KIAA1328: variants seen among roughly 807,000 people sequenced by gnomAD.
The protein encoded by KIAA1328 is protein hinderin.
In KIAA1328, 52 loss-of-function variants were observed where a neutral mutation model predicts 68.1. The ratio of observed to expected loss-of-function variants is 0.76; its 90% CI spans 0.61 to 0.96. The LOEUF is 0.96. Ranked by LOEUF, KIAA1328 falls within the 40% of genes least tolerant of loss-of-function variation. The pLI is 0.00. For synonymous variants in KIAA1328, 232 were observed against 239.4 expected (o/e 0.97, Z 0.28); for missense variants, 641 against 677.6 (o/e 0.95, Z 0.60).
intron 7 of KIAA1328, among the ~76,000 whole-genome samples, chr18:37,154,938 A>C (rs564323685): frequency 1.1e-4 from 17 of 152,180 alleles, no homozygotes; most frequent in Admixed American, 9.8e-4. Flanking sequence ...ACATTAATAT[A>C]TTTATTTCCC....
chr18:37,067,109 A>G lies in KIAA1328; in HGVS notation c.796A>G (p.Thr266Ala), dbSNP rs746504413. Residue 266 changes from threonine (T) to alanine (A), a missense_variant, in exon 7 of 10, where the codon ACC becomes GCC. Transcript: ENST00000280020. Reference protein sequence around the residue: ...KDDLDKIPSETTTCNCESPGR... With the variant: ...KDDLDKIPSEATTCNCESPGR... ...TGATCTAGATAAGATACCATCAGAG[A>G]CCACAACATGTAATTGTGAATCTCC... is the stretch of plus-strand genomic sequence containing the variant. 5.6e-6 allele frequency: 9 copies of G among 1,614,036 alleles called. No homozygotes were observed. The East Asian group carries it at 2.0e-4, about 36-fold the overall frequency.
rs141380279 is a variant in KIAA1328 at position 37,191,229 on chromosome 18, A to G, written c.1523+18148A>G. On this transcript the variant is annotated intron_variant, in intron 9 of 9. Transcript: ENST00000280020. ...CAATAAATCAGGTCTAGTTTCTTGC[A>G]CTATTTCTTCTTTTTTTAAATTTAA... Among the ~76,000 whole-genome samples the G allele has an allele frequency of 8.5e-4, 130 of 152,298 alleles. 1 individual carries two copies. In the East Asian group the frequency reaches 0.02, roughly 24 times the overall value.
rs138111187 is a variant in KIAA1328 at position 37,074,236 on chromosome 18, C to A, written c.1232+6691C>A. Among the ~76,000 whole-genome samples, 33 of 152,282 alleles carry A rather than the reference C, an allele frequency of 2.2e-4. No individual in the cohort carries two copies. In the East Asian group the frequency reaches 5.4e-3, roughly 25 times the overall value. On this transcript the variant is annotated intron_variant, in intron 7 of 9. Coordinates refer to ENST00000280020, the MANE Select transcript of KIAA1328 (RefSeq NM_020776.3). ...CTATGACTTTGGAGTTTCTAGGTTG[C>A]CAGCTTCTCCCACATTCAAGGTTTC...
At chr18:37,076,382 G>A (rs1211020713) in intron 7 of KIAA1328, among the ~76,000 whole-genome samples, 1 of 151,954 alleles carries the variant, frequency 6.6e-6, no homozygotes, top group South Asian at 2.1e-4. Flanking sequence ...GAGAAAACAG[G>A]AAAGATCCAA....
chr18:36,903,535 A>C (rs777330031), intron 5 of KIAA1328: 2 of 152,080 alleles, frequency 1.3e-5, no homozygotes, highest in Non-Finnish European at 2.9e-5. Flanking sequence ...ATTTCCATGG[A>C]GTTCATTTAG....
chr18:37,098,307 C>T (rs2057478955), intron 7 of KIAA1328, among the ~76,000 whole-genome samples: 1 of 152,108 alleles, frequency 6.6e-6, no homozygotes, highest in African/African-American at 2.4e-5. Context: ...TTGTCAAAGG[C>T]CTTTTCGGCA....
At chr18:36,840,710 G>A (rs1340436568) in intron 3 of KIAA1328, among the ~76,000 whole-genome samples, 12 of 151,908 alleles carry the variant, frequency 7.9e-5, no homozygotes, top group Admixed American at 7.9e-4. Flanking sequence ...CTCGGCCTCC[G>A]AAAGTGCTGG....
chr18:36,858,174 G>T (rs2047442098), intron 4 of KIAA1328, among the ~76,000 whole-genome samples: 1 of 151,852 alleles, frequency 6.6e-6, no homozygotes. Context: ...CACTTACATT[G>T]AACTTGTGAT....
At chr18:36,871,183 A>G (rs1323934528) in intron 4 of KIAA1328, among the ~76,000 whole-genome samples, 1 of 152,216 alleles carries the variant, frequency 6.6e-6, no homozygotes, top group Non-Finnish European at 1.5e-5. Flanking sequence ...TGGATAACTT[A>G]CATCAACATT....
chr18:37,146,583 T>A (rs1196397342), intron 7 of KIAA1328, among the ~76,000 whole-genome samples: 1 of 152,230 alleles, frequency 6.6e-6, no homozygotes, highest in Non-Finnish European at 1.5e-5. Context: ...TTTATATTCC[T>A]CTGGGTGTAT....
intron 7 of KIAA1328, among the ~76,000 whole-genome samples, chr18:37,096,530 A>G (rs577196149): frequency 1.4e-4 from 21 of 152,242 alleles, no homozygotes; most frequent in Admixed American, 2.6e-4. Flanking sequence ...TACTGCCACA[A>G]TAAACATATG....
chr18:36,942,587 T>A (rs1172689744), intron 5 of KIAA1328, among the ~76,000 whole-genome samples: 1 of 152,162 alleles, frequency 6.6e-6, no homozygotes, highest in East Asian at 1.9e-4. Flanking sequence ...GACAGCTAAA[T>A]TGTGCAGTGT....
intron 6 of KIAA1328, among the ~76,000 whole-genome samples, chr18:37,005,897 A>G (rs1346302988): frequency 2.0e-5 from 3 of 152,106 alleles, no homozygotes; most frequent in Non-Finnish European, 4.4e-5. Flanking sequence ...GTGGGAGCCA[A>G]AAAATATGAT....
chr18:36,892,815 C>T (rs934113867), intron 5 of KIAA1328, among the ~76,000 whole-genome samples: 7 of 152,104 alleles, frequency 4.6e-5, no homozygotes, highest in Non-Finnish European at 1.0e-4. Context: ...CTGATTGTTA[C>T]TTATTTTATT....
At chr18:37,207,753 G>T (rs758845960) in intron 9 of KIAA1328, among the ~76,000 whole-genome samples, 6 of 152,154 alleles carry the variant, frequency 3.9e-5, no homozygotes, top group Non-Finnish European at 8.8e-5. Flanking sequence ...CACGTGAATG[G>T]GTCAGAGGGA....
intron 5 of KIAA1328, among the ~76,000 whole-genome samples, chr18:36,954,688 T>A (rs1191161644): frequency 6.3e-5 from 1 of 15,916 alleles, no homozygotes; most frequent in East Asian, 9.3e-3. Context: ...AAGACTTCAC[T>A]TTTTTTTTTT....
At chr18:36,843,256 A>G (rs999779290) in intron 3 of KIAA1328, among the ~76,000 whole-genome samples, 1 of 152,006 alleles carries the variant, frequency 6.6e-6, no homozygotes, top group Non-Finnish European at 1.5e-5. Context: ...AGCTTATTTT[A>G]TTATCATCTT....
intron 4 of KIAA1328, among the ~76,000 whole-genome samples, chr18:36,846,895 T>TA (rs1157142660): frequency 6.6e-6 from 1 of 151,340 alleles, no homozygotes; most frequent in Non-Finnish European, 1.5e-5. Flanking sequence ...AACTTTTTTT[T>TA]ATCACAAACT....
At chr18:36,977,287 T>C (rs1349346032) in intron 6 of KIAA1328, among the ~76,000 whole-genome samples, 1 of 152,190 alleles carries the variant, frequency 6.6e-6, no homozygotes, top group Non-Finnish European at 1.5e-5. Context: ...TAGCTAACTG[T>C]GTTGGTAGCT....
Sources: gnomAD v4.1 joint callset for allele counts (sites outside exome capture counted in the v4.1 genomes callset) on GRCh38, gnomAD v4.1.1 for gene constraint, MANE v1.5 for transcripts, NCBI Gene and HGNC (gene_info 2026-07-23, HGNC 2026-07-21) for gene names.